MAP3K2: variants seen among roughly 807,000 people sequenced by gnomAD.
MAP3K2 encodes MAP/ERK kinase kinase 2.
In MAP3K2, 24 loss-of-function variants were observed where a neutral mutation model predicts 80.3. The ratio of observed to expected loss-of-function variants is 0.30; its 90% CI spans 0.22 to 0.42. MAP3K2 has a LOEUF of 0.42. Ranked by LOEUF, MAP3K2 falls within the 10% of genes least tolerant of loss-of-function variation. The pLI is 1.00. For missense variants in MAP3K2, 608 were observed against 750.1 expected (o/e 0.81, Z 2.21); for synonymous variants, 244 against 253.7 (o/e 0.96, Z 0.36).
Position 127,319,672 on chromosome 2 carries a change from A to G in MAP3K2, c.1046-1355T>C, listed in dbSNP as rs1006940582. On this transcript the variant is annotated intron_variant, in intron 12 of 16. Transcript: ENST00000682094. Reference sequence around the variant, plus strand: ...ATACAAAAAAAAAAAAAAAAAAAAAAAAAAAAGAAAAAGAAAAATAGCCAG... The same window carrying G: ...ATACAAAAAAAAAAAAAAAAAAAAAGAAAAAAGAAAAAGAAAAATAGCCAG... Among the ~76,000 whole-genome samples the G allele has an allele frequency of 9.5e-4, 142 of 149,518 alleles. 1 individual carries two copies. The highest frequency in any genetic ancestry group is 2.1e-3 in the African/African-American group (88 of 40,984).
rs1339402839 is a variant in MAP3K2 at position 127,364,520 on chromosome 2, A to T, written c.-65-21326T>A. On this transcript the variant is annotated intron_variant, in intron 1 of 16. Coordinates refer to ENST00000682094, the MANE Select transcript of MAP3K2 (RefSeq NM_001371910.2). This position sits in a 1 kb window ranked among gnomAD's most constrained non-coding sequence, Gnocchi z 4.1. ...AGAATTATCGTCTGTGGACTGTCAG[A>T]CGATGTGCTAGACATTTCACATACA... 6.6e-6 allele frequency among the ~76,000 whole-genome samples: 1 copy of T among 152,198 alleles called. No individual in the cohort carries two copies. Among genetic ancestry groups the T allele is most frequent in the East Asian group, 1.9e-4 (1 of 5,190 alleles).
intron 9 of MAP3K2, 61 bp downstream of exon 9, chr2:127,325,667 G>A: frequency 1.5e-6 from 2 of 1,351,936 alleles, no homozygotes; most frequent in South Asian, 2.4e-5. Context: ...CAGCCTGGGT[G>A]ACAGCAAAAC....
chr2:127,317,570 C>A, intron 14 of MAP3K2, 59 bp downstream of exon 14: 2 of 1,390,020 alleles, frequency 1.4e-6, no homozygotes, highest in South Asian at 2.9e-5. Context: ...TGTTGTTTTT[C>A]TTTTATTAAC....
At chr2:127,380,418 T>C (rs962883101) in intron 1 of MAP3K2, among the ~76,000 whole-genome samples, 1 of 152,234 alleles carries the variant, frequency 6.6e-6, no homozygotes, top group Non-Finnish European at 1.5e-5. Context: ...ACTAAATGAC[T>C]AACCACACAA....
intron 1 of MAP3K2, among the ~76,000 whole-genome samples, chr2:127,358,750 T>C (rs2104869631): frequency 6.6e-6 from 1 of 152,134 alleles, no homozygotes; most frequent in East Asian, 1.9e-4. Context: ...CCGGCCAATA[T>C]GGCAAAACCC....
intron 5 of MAP3K2, among the ~76,000 whole-genome samples, chr2:127,335,192 T>C (rs1686341667): frequency 1.3e-5 from 2 of 152,184 alleles, no homozygotes; most frequent in Admixed American, 6.5e-5. Context: ...ACTTATAGCA[T>C]TATGCCTGAA....
At chr2:127,353,681 G>C (rs1001206465) in intron 1 of MAP3K2, among the ~76,000 whole-genome samples, 1 of 150,882 alleles carries the variant, frequency 6.6e-6, no homozygotes, top group African/African-American at 2.4e-5. Context: ...GCCTCTGCCC[G>C]GCCGCCCCTA....
chr2:127,378,389 T>C (rs1012306582), intron 1 of MAP3K2, among the ~76,000 whole-genome samples: 2 of 152,184 alleles, frequency 1.3e-5, no homozygotes, highest in Admixed American at 6.5e-5. Context: ...TAAACAACAC[T>C]CTCCATTCTC....
chr2:127,360,016 T>C (rs1686858079), intron 1 of MAP3K2, among the ~76,000 whole-genome samples: 1 of 152,182 alleles, frequency 6.6e-6, no homozygotes, highest in South Asian at 2.1e-4. Context: ...TGCCTACGTA[T>C]TTACTCAAGA....
chr2:127,379,992 T>C (rs1574010269), intron 1 of MAP3K2, among the ~76,000 whole-genome samples: 1 of 152,006 alleles, frequency 6.6e-6, no homozygotes, highest in Middle Eastern at 3.2e-3. Context: ...ACACAGAAAA[T>C]TACATTTAAC....
At chr2:127,356,356 C>T (rs1229736467) in intron 1 of MAP3K2, among the ~76,000 whole-genome samples, 4 of 151,602 alleles carry the variant, frequency 2.6e-5, no homozygotes, top group Admixed American at 6.6e-5. Flanking sequence ...TTTTTAGTTT[C>T]GCAGTGCATA....
At chr2:127,382,683 G>A (rs536042283) in intron 1 of MAP3K2, among the ~76,000 whole-genome samples, 4 of 152,222 alleles carry the variant, frequency 2.6e-5, no homozygotes, top group South Asian at 2.1e-4. Flanking sequence ...CTGGCACCTC[G>A]TCCCACTAAT....
Position 127,338,945 on chromosome 2 carries a change from G to A in MAP3K2, c.110C>T (p.Ser37Leu). ...LQETRKAKSSSPKKQNDVRVK... is the reference protein window; with the variant it reads ...LQETRKAKSSLPKKQNDVRVK... ...TAAAATAAATACCTGTTTTTTTGGT[G>A]ATGAAGATTTTGCTTTTCTGGTTTC... The change falls in exon 3 of 17, where the codon TCA (serine) becomes TTA (leucine). Residue 37 changes from serine to leucine, a missense_variant. Coordinates refer to ENST00000682094, the MANE Select transcript of MAP3K2 (RefSeq NM_001371910.2). 1 of 1,603,974 alleles carries A rather than the reference G, an allele frequency of 6.2e-7. No individual in the cohort carries two copies. The highest frequency in any genetic ancestry group is 2.2e-5 in the East Asian group (1 of 44,690).
At chr2:127,378,036 G>A (rs1398789232) in intron 1 of MAP3K2, 3 of 241,392 alleles carry the variant, frequency 1.2e-5, no homozygotes, top group Non-Finnish European at 2.0e-5. Context: ...ATTTTTAATA[G>A]ATACTAGAGG....
At chr2:127,358,929 A>AT (rs1686838827) in intron 1 of MAP3K2, among the ~76,000 whole-genome samples, 1 of 152,128 alleles carries the variant, frequency 6.6e-6, no homozygotes, top group South Asian at 2.1e-4. Context: ...AAAAAAAAAA[A>AT]AAATTTTTAA....
intron 1 of MAP3K2, among the ~76,000 whole-genome samples, chr2:127,384,868 CGCAA>C (rs1439400129): frequency 1.3e-5 from 2 of 151,898 alleles, no homozygotes; most frequent in African/African-American, 2.4e-5. Context: ...AATTCCTTGG[CGCAA>C]GCAATCCTCC....
At chr2:127,385,172 A>C (rs1243172717) in intron 1 of MAP3K2, among the ~76,000 whole-genome samples, 1 of 152,192 alleles carries the variant, frequency 6.6e-6, no homozygotes, top group African/African-American at 2.4e-5. Flanking sequence ...GCCAGAGTGA[A>C]ATCTTTCCTG....
At chr2:127,382,241 A>G (rs1050721153) in intron 1 of MAP3K2, among the ~76,000 whole-genome samples, 1 of 152,248 alleles carries the variant, frequency 6.6e-6, no homozygotes, top group African/African-American at 2.4e-5. Flanking sequence ...CTATGTAAGA[A>G]AATGTCCTTA....
intron 1 of MAP3K2, among the ~76,000 whole-genome samples, chr2:127,361,196 C>T (rs1457941795): frequency 6.6e-6 from 1 of 151,550 alleles, no homozygotes; most frequent in Non-Finnish European, 1.5e-5. Context: ...GCCTGTAGTC[C>T]CAGCTATTCG....
Sources: allele counts gnomAD v4.1 joint callset (sites outside exome capture counted in the v4.1 genomes callset), GRCh38; gene constraint gnomAD v4.1.1; non-coding constraint Gnocchi (gnomAD v3.1); transcripts MANE v1.5; gene names NCBI Gene and HGNC (gene_info 2026-07-23, HGNC 2026-07-21).